Variants in RNF150 observed in about 807,000 individuals in gnomAD.
RNF150 encodes the protein ring finger protein 150.
In RNF150, 24 loss-of-function variants were observed where a neutral mutation model predicts 39.3. That is an observed-to-expected ratio of 0.61 (90% CI 0.44 to 0.86). The LOEUF is 0.86. Ranked by LOEUF, RNF150 falls within the 40% of genes least tolerant of loss-of-function variation. The probability of loss-of-function intolerance (pLI) is 0.00; values close to 1 mark genes in which losing one functional copy is unlikely to be tolerated. For synonymous variants in RNF150, 255 were observed against 227.3 expected (o/e 1.12, Z -1.10); for missense variants, 502 against 587.8 (o/e 0.85, Z 1.51).
At chr4:140,939,886 G>A (rs1732016067) in intron 4 of RNF150, among the ~76,000 whole-genome samples, 1 of 152,160 alleles carries the variant, frequency 6.6e-6, no homozygotes, top group African/African-American at 2.4e-5. Flanking sequence ...GTTTACCCCT[G>A]AATCTCTGTT....
intron 1 of RNF150, among the ~76,000 whole-genome samples, chr4:141,151,255 T>C (rs1240942001): frequency 6.6e-6 from 1 of 152,150 alleles, no homozygotes; most frequent in Non-Finnish European, 1.5e-5. Flanking sequence ...AGTTTTGTTT[T>C]TTATAGTTGT....
At chr4:141,064,483 G>T (rs1300868058) in intron 1 of RNF150, among the ~76,000 whole-genome samples, 1 of 152,074 alleles carries the variant, frequency 6.6e-6, no homozygotes, top group East Asian at 1.9e-4. Context: ...CATTCCTGTA[G>T]TTCCAGCTAC....
chr4:141,117,356 C>T (rs1255430019), intron 1 of RNF150, among the ~76,000 whole-genome samples: 1 of 152,030 alleles, frequency 6.6e-6, no homozygotes, highest in Non-Finnish European at 1.5e-5. Flanking sequence ...GTGTATTAGG[C>T]CCTATTTTTA....
chr4:140,904,607 T>A (rs62345006), intron 6 of RNF150, among the ~76,000 whole-genome samples: 1 of 152,246 alleles, frequency 6.6e-6, no homozygotes, highest in Admixed American at 6.5e-5. Context: ...TCTGAGTGCA[T>A]CAGTATATTT....
At chr4:141,075,911 T>C (rs929006674) in intron 1 of RNF150, among the ~76,000 whole-genome samples, 1 of 152,110 alleles carries the variant, frequency 6.6e-6, no homozygotes, top group African/African-American at 2.4e-5. Flanking sequence ...GAACTTGATA[T>C]AACCAAAAAC....
chr4:141,102,162 G>A (rs533737521), intron 1 of RNF150, among the ~76,000 whole-genome samples: 17 of 152,238 alleles, frequency 1.1e-4, no homozygotes, highest in Admixed American at 8.5e-4. Context: ...GCATATGACC[G>A]TATTTATAGT....
intron 1 of RNF150, among the ~76,000 whole-genome samples, chr4:141,058,889 G>A (rs900406042): frequency 3.3e-5 from 5 of 152,156 alleles, no homozygotes; most frequent in African/African-American, 7.2e-5. Flanking sequence ...CAACAGAGTT[G>A]ACACATGATA....
At chr4:141,095,845 G>A (rs2111021012) in intron 1 of RNF150, among the ~76,000 whole-genome samples, 1 of 152,220 alleles carries the variant, frequency 6.6e-6, no homozygotes, top group Admixed American at 6.5e-5. Flanking sequence ...CTAATGTGCT[G>A]TTTCTTAATA....
chr4:140,967,052 G>A (rs17006731), intron 2 of RNF150, among the ~76,000 whole-genome samples: 2,629 of 152,228 alleles, frequency 0.017, 68 homozygotes, highest in African/African-American at 0.059. Flanking sequence ...ACAGAGTTAA[G>A]TGTGCTATCA....
At chr4:141,208,609 A>G (rs1277796535) in intron 1 of RNF150, among the ~76,000 whole-genome samples, 9 of 152,188 alleles carry the variant, frequency 5.9e-5, no homozygotes, top group Admixed American at 5.9e-4. Flanking sequence ...AAAGGAATGG[A>G]AAGTCTATTG....
chr4:141,062,289 G>A (rs1433222175), intron 1 of RNF150, among the ~76,000 whole-genome samples: 1 of 151,924 alleles, frequency 6.6e-6, no homozygotes, highest in Non-Finnish European at 1.5e-5. Flanking sequence ...ATACATGTCT[G>A]TATTATACAT....
rs78790522 is a variant in RNF150, at chr4:141,077,115, A to C, written c.484+55210T>G. ...CATATTGGGGGAGAAGAAGTAAAAA[A>C]GGGGGATAGAAATCAATGTGTTATA... is the stretch of plus-strand genomic sequence containing the variant. On this transcript the variant is annotated intron_variant, in intron 1 of 6. Coordinates refer to ENST00000515673, the MANE Select transcript of RNF150 (RefSeq NM_020724.2). Among the ~76,000 whole-genome samples the C allele has an allele frequency of 4.1e-3, 631 of 152,286 alleles. 5 individuals carry two copies. The highest frequency in any genetic ancestry group is 0.041 in the East Asian group (214 of 5,172).
intron 1 of RNF150, among the ~76,000 whole-genome samples, chr4:141,145,374 A>C (rs1727182085): frequency 6.6e-6 from 1 of 152,244 alleles, no homozygotes; most frequent in South Asian, 2.1e-4. Context: ...AAACTGTGGA[A>C]TATTATGAAG....
In RNF150 at chr4:140,861,039, AAC is replaced by A. The variant is rs1488151334; in HGVS notation, c.*7220_*7221del. On this transcript the variant is annotated 3_prime_UTR_variant, in exon 7 of 7. Transcript: ENST00000515673. The stretch of plus-strand genomic sequence containing the variant: ...GTAAGGGACACCCCTCTATAAAAAT[AAC>A]AGTCCCTCCCCACTCCCACCCCTAC... The A allele has an allele frequency of 6.6e-6, 1 of 152,158 alleles. No homozygotes were observed. Among genetic ancestry groups the A allele is most frequent in the Admixed American group, 6.5e-5 (1 of 15,268 alleles). 9.4% of individuals were successfully genotyped at this position (152,158 alleles called of 1,614,324 possible). A position where few individuals can be genotyped will look rare whatever the true frequency, so the allele number is the denominator to read the frequency against.
At chr4:141,078,704 G>A (rs776238750) in intron 1 of RNF150, among the ~76,000 whole-genome samples, 5 of 148,836 alleles carry the variant, frequency 3.4e-5, no homozygotes, top group South Asian at 2.1e-4. Context: ...GCAGGAGAAC[G>A]GCGTGAACCC....
chr4:141,057,816 C>A (rs113927423), intron 1 of RNF150, among the ~76,000 whole-genome samples: 46 of 152,208 alleles, frequency 3.0e-4, no homozygotes, highest in African/African-American at 7.5e-4. Context: ...CCTGTCCCAT[C>A]GATAAGACCA....
At chr4:140,932,010 C>A (rs909334685) in intron 4 of RNF150, among the ~76,000 whole-genome samples, 6 of 152,124 alleles carry the variant, frequency 3.9e-5, no homozygotes, top group African/African-American at 1.4e-4. Flanking sequence ...ATCTCTTTCA[C>A]TTTTGTAGAC....
chr4:141,120,322 C>T (rs865803946), intron 1 of RNF150, among the ~76,000 whole-genome samples: 9 of 152,102 alleles, frequency 5.9e-5, no homozygotes, highest in Middle Eastern at 3.2e-3. Flanking sequence ...TGACAGGAAA[C>T]GGTGACTGAT....
chr4:140,931,308 G>A (rs541442680), intron 4 of RNF150, among the ~76,000 whole-genome samples: 3,750 of 21,158 alleles, frequency 0.18, 54 homozygotes, highest in East Asian at 0.52. Flanking sequence ...GGAGAACTAA[G>A]GGCAAAAAAG....
Sources: gnomAD v4.1 joint callset for allele counts (sites outside exome capture counted in the v4.1 genomes callset) on GRCh38, gnomAD v4.1.1 for gene constraint, MANE v1.5 for transcripts, NCBI Gene and HGNC (gene_info 2026-07-23, HGNC 2026-07-21) for gene names.